The following LINGO1 variants were observed in gnomAD, a reference collection of about 807,000 sequenced individuals.
LINGO1 encodes the protein leucine rich repeat and Ig domain containing 1, also known as leucine-rich repeat and immunoglobulin-like domain-containing nogo receptor-interacting protein 1.
Under a neutral mutation model 37.3 loss-of-function variants are expected in LINGO1, and 11 were observed. The observed-to-expected ratio is 0.29, with a 90% confidence interval of 0.19 to 0.49. LINGO1 has a LOEUF of 0.49. Ranked by LOEUF, LINGO1 falls within the 20% of genes least tolerant of loss-of-function variation. The probability of loss-of-function intolerance (pLI) is 0.99; values close to 1 mark genes in which losing one functional copy is unlikely to be tolerated. For synonymous variants in LINGO1, 387 were observed against 403.0 expected (o/e 0.96, Z 0.48); for missense variants, 585 against 878.2 (o/e 0.67, Z 4.22).
chr15:77,780,547 T>C (rs902856653), intron 1 of LINGO1, among the ~76,000 whole-genome samples: 1 of 152,064 alleles, frequency 6.6e-6, no homozygotes, highest in Non-Finnish European at 1.5e-5. Context: ...TGCAACACAA[T>C]GCCAGCCTGT....
intron 3 of LINGO1, among the ~76,000 whole-genome samples, chr15:77,665,320 C>T (rs765130631): frequency 4.6e-5 from 7 of 152,302 alleles, no homozygotes; most frequent in Non-Finnish European, 8.8e-5. Context: ...GCAGATACCA[C>T]GCTTTGCCCT....
chr15:77,692,728 G>A (rs745945622), intron 1 of LINGO1, among the ~76,000 whole-genome samples: 1 of 152,176 alleles, frequency 6.6e-6, no homozygotes, highest in Non-Finnish European at 1.5e-5. Context: ...CCTGGGCAGA[G>A]GTAAACTTCA....
At chr15:77,777,456 T>TACAC (rs202007169) in intron 1 of LINGO1, among the ~76,000 whole-genome samples, 6 of 68,216 alleles carry the variant, frequency 8.8e-5, no homozygotes, top group South Asian at 6.6e-4. Flanking sequence ...TTTGGACATA[T>TACAC]ACACACACGC....
At chr15:77,626,027 AT>A (rs2042328426) in intron 1 of LINGO1, among the ~76,000 whole-genome samples, 1 of 152,200 alleles carries the variant, frequency 6.6e-6, no homozygotes, top group South Asian at 2.1e-4. Flanking sequence ...GCTCTGAGCC[AT>A]TAGTTCACCT....
chr15:77,622,719 A>C (rs934931551), intron 1 of LINGO1, among the ~76,000 whole-genome samples: 1 of 152,312 alleles, frequency 6.6e-6, no homozygotes, highest in South Asian at 2.1e-4. Context: ...GTGGGGGCGC[A>C]GTGGGGCCCA....
chr15:77,659,460 G>A (rs2141163921), intron 3 of LINGO1, among the ~76,000 whole-genome samples: 1 of 152,270 alleles, frequency 6.6e-6, no homozygotes, highest in Non-Finnish European at 1.5e-5. Context: ...CACTCTTTCG[G>A]TTCCCACTTT....
chr15:77,676,877 G>A lies in LINGO1; in HGVS notation c.-13+212C>T, dbSNP rs566693562. Reference sequence around the variant, plus strand: ...TGGTGAGGAAGAATGGCTGAGGCGTGGCCTTCCTTCTCAGAGGTCAGGAAC... The same window carrying A: ...TGGTGAGGAAGAATGGCTGAGGCGTAGCCTTCCTTCTCAGAGGTCAGGAAC... On this transcript the variant is annotated intron_variant, in intron 3 of 3. Coordinates refer to the LINGO1 transcript ENST00000559893. Among the ~76,000 whole-genome samples the A allele has an allele frequency of 3.3e-4, 50 of 152,286 alleles. 2 individuals carry two copies. In the South Asian group the frequency reaches 9.1e-3, roughly 28 times the overall value.
rs1030646448 is a variant in LINGO1, at chr15:77,614,006, G to A, written c.*38C>T. ...AGGTGGCGGCCAGGCCCCTTCCCCTGCCCGGCCGCCCGGGGGTCCCTGCCC... is the reference window on the plus strand; with the variant it reads ...AGGTGGCGGCCAGGCCCCTTCCCCTACCCGGCCGCCCGGGGGTCCCTGCCC... On this transcript the variant is annotated 3_prime_UTR_variant, in exon 2 of 2. Coordinates refer to ENST00000355300, the MANE Select transcript of LINGO1 (RefSeq NM_032808.7). 2 of 1,520,314 alleles carry A rather than the reference G, an allele frequency of 1.3e-6. No individual in the cohort carries two copies. Among genetic ancestry groups the A allele is most frequent in the Non-Finnish European group, 1.8e-6 (2 of 1,129,448 alleles). The allele number at this position is 1,520,314 out of a possible 1,614,324, so 94.2% of individuals were successfully genotyped here.
intron 3 of LINGO1, among the ~76,000 whole-genome samples, chr15:77,666,732 G>C (rs573369225): frequency 6.6e-6 from 1 of 152,342 alleles, no homozygotes; most frequent in African/African-American, 2.4e-5. Flanking sequence ...CCATAGCATT[G>C]TTATGAAGAT....
chr15:77,736,665 T>C (rs1454381700), intron 1 of LINGO1, among the ~76,000 whole-genome samples: 2 of 152,140 alleles, frequency 1.3e-5, no homozygotes, highest in East Asian at 3.8e-4. Flanking sequence ...TCCTAGTTAC[T>C]CAGGAGGCTG....
rs368619421 is a variant in LINGO1, at chr15:77,741,274, C to G, written c.-256-6221G>C. ...TGGCCTGGCTGAGCTCCTGGGAACA[C>G]GAGTCAGCAGCACCCCAAGCCTGAG... On this transcript the variant is annotated intron_variant, in intron 1 of 3. Transcript: ENST00000561686. 8.5e-5 allele frequency among the ~76,000 whole-genome samples: 13 copies of G among 152,344 alleles called. No individual in the cohort carries two copies. In the East Asian group the frequency reaches 2.3e-3, roughly 27 times the overall value.
chr15:77,677,860 C>T (rs2075353961), intron 2 of LINGO1, among the ~76,000 whole-genome samples: 1 of 152,192 alleles, frequency 6.6e-6, no homozygotes. Flanking sequence ...CACAACTGTG[C>T]TTCAATCACC....
intron 2 of LINGO1, among the ~76,000 whole-genome samples, chr15:77,708,083 G>A (rs1286368416): frequency 6.6e-6 from 1 of 152,322 alleles, no homozygotes; most frequent in South Asian, 2.1e-4. Flanking sequence ...TAATGAGATG[G>A]TTTTTAAAGG....
chr15:77,712,856 CTG>C (rs1198829067), intron 2 of LINGO1, among the ~76,000 whole-genome samples: 1 of 152,202 alleles, frequency 6.6e-6, no homozygotes, highest in African/African-American at 2.4e-5. Flanking sequence ...CACTTGGACT[CTG>C]AACCCACCCC....
upstream of LINGO1, among the ~76,000 whole-genome samples, chr15:77,638,811 C>G (rs1458209415): frequency 6.6e-6 from 1 of 152,174 alleles, no homozygotes; most frequent in East Asian, 1.9e-4. Flanking sequence ...TAAGAGGACT[C>G]CCAGTGGTCC....
intron 1 of LINGO1, among the ~76,000 whole-genome samples, chr15:77,797,547 C>T (rs2076883573): frequency 6.6e-6 from 1 of 152,214 alleles, no homozygotes; most frequent in Non-Finnish European, 1.5e-5. Flanking sequence ...AGGTGGTGCC[C>T]AGGGGTGGCT....
intron 1 of LINGO1, among the ~76,000 whole-genome samples, chr15:77,800,726 G>C (rs1243364535): frequency 6.6e-6 from 1 of 152,130 alleles, no homozygotes; most frequent in East Asian, 1.9e-4. Flanking sequence ...GTACATAAAC[G>C]TGTAAAACAT....
intron 2 of LINGO1, among the ~76,000 whole-genome samples, chr15:77,727,150 C>A (rs1406659918): frequency 6.6e-6 from 1 of 152,176 alleles, no homozygotes; most frequent in African/African-American, 2.4e-5. Flanking sequence ...TAAAATGGGG[C>A]AACCACTAAA....
chr15:77,735,890 C>A (rs1395716160), intron 1 of LINGO1, among the ~76,000 whole-genome samples: 1 of 152,190 alleles, frequency 6.6e-6, no homozygotes, highest in Admixed American at 6.5e-5. Context: ...ATATCTTACT[C>A]CCAGCAGCCA....
Sources: gnomAD v4.1 joint callset for allele counts (sites outside exome capture counted in the v4.1 genomes callset) on GRCh38, gnomAD v4.1.1 for gene constraint, MANE v1.5 for transcripts, NCBI Gene and HGNC (gene_info 2026-07-23, HGNC 2026-07-21) for gene names.